Variants in ARHGAP6 observed in about 807,000 individuals in gnomAD.
ARHGAP6 encodes the protein Rho GTPase activating protein 6.
In ARHGAP6, 16 loss-of-function variants were observed where a neutral mutation model predicts 55.7. That is an observed-to-expected ratio of 0.29 (90% CI 0.19 to 0.44). ARHGAP6 has a LOEUF of 0.44. ARHGAP6 is among the 20% of genes least tolerant of loss of function. The pLI is 1.00. For synonymous variants in ARHGAP6, 382 were observed against 360.9 expected (o/e 1.06, Z -0.66); for missense variants, 698 against 808.9 (o/e 0.86, Z 1.66).
At chrX:11,661,086 G>T (rs891104486) in intron 1 of ARHGAP6, among the ~76,000 whole-genome samples, 4 of 112,244 alleles carry the variant, frequency 3.6e-5, no homozygotes, top group African/African-American at 1.3e-4. Context: ...GTGATATATA[G>T]AAATCATTTT....
intron 1 of ARHGAP6, among the ~76,000 whole-genome samples, chrX:11,548,634 G>C (rs779585206): frequency 9.3e-6 from 1 of 107,149 alleles, no homozygotes; most frequent in Non-Finnish European, 1.9e-5. Flanking sequence ...TTTTTTTATT[G>C]AGATAGAGTC....
chrX:11,483,458 G>A (rs5978437), intron 1 of ARHGAP6, among the ~76,000 whole-genome samples: 2,123 of 111,192 alleles, frequency 0.019, 28 homozygotes, highest in Middle Eastern at 0.06. Flanking sequence ...TCAGAGGAAT[G>A]ACCTCTTTTC....
At chrX:11,473,314 C>T (rs772844178) in intron 1 of ARHGAP6, among the ~76,000 whole-genome samples, 4 of 111,717 alleles carry the variant, frequency 3.6e-5, no homozygotes, top group Admixed American at 9.5e-5. Flanking sequence ...ATTGAAATCA[C>T]GGGTTGAATT....
chrX:11,243,377 C>T (rs2047309947), intron 2 of ARHGAP6, among the ~76,000 whole-genome samples: 1 of 111,604 alleles, frequency 9.0e-6, no homozygotes, highest in Non-Finnish European at 1.9e-5. Context: ...TTTCTACTTC[C>T]CAGTATTGAT....
chrX:11,405,387 C>A (rs774419229), intron 1 of ARHGAP6, among the ~76,000 whole-genome samples: 14 of 112,281 alleles, frequency 1.2e-4, no homozygotes, highest in African/African-American at 4.5e-4. Flanking sequence ...TAAGACAAAT[C>A]CATGACGGAA....
At chrX:11,515,652 CAT>C (rs1569375861) in intron 1 of ARHGAP6, among the ~76,000 whole-genome samples, 1 of 112,207 alleles carries the variant, frequency 8.9e-6, no homozygotes, top group South Asian at 3.7e-4. Context: ...TCTTCTAAAA[CAT>C]ATTTTTTATT....
intron 2 of ARHGAP6, among the ~76,000 whole-genome samples, chrX:11,208,227 C>A (rs2046736729): frequency 9.0e-6 from 1 of 111,052 alleles, no homozygotes; most frequent in Non-Finnish European, 1.9e-5. Context: ...CTGTGGTGTG[C>A]CCCGTGGAGG....
At chrX:11,487,599 CAT>C (rs1344031301) in intron 1 of ARHGAP6, among the ~76,000 whole-genome samples, 1 of 112,148 alleles carries the variant, frequency 8.9e-6, no homozygotes, top group Non-Finnish European at 1.9e-5. Flanking sequence ...AGATTTTAGA[CAT>C]ATTTTACTAA....
intron 1 of ARHGAP6, among the ~76,000 whole-genome samples, chrX:11,342,253 G>A (rs2048716347): frequency 9.0e-6 from 1 of 111,673 alleles, no homozygotes; most frequent in Non-Finnish European, 1.9e-5. Flanking sequence ...TATGGCACCG[G>A]ATTATTTAGT....
chrX:11,275,612 C>G (rs910049517), intron 1 of ARHGAP6, among the ~76,000 whole-genome samples: 6 of 111,681 alleles, frequency 5.4e-5, no homozygotes, highest in African/African-American at 9.8e-5. Context: ...CTCATCTTGT[C>G]CCTTCCCTTT....
intron 1 of ARHGAP6, among the ~76,000 whole-genome samples, chrX:11,447,983 T>C (rs138654176): frequency 9.9e-4 from 111 of 112,489 alleles, no homozygotes; most frequent in African/African-American, 3.5e-3. Flanking sequence ...GCAGTCACCA[T>C]TGGACAGCCT....
chrX:11,200,582 G>A (rs1490635054), intron 2 of ARHGAP6, among the ~76,000 whole-genome samples: 1 of 112,427 alleles, frequency 8.9e-6, no homozygotes, highest in Non-Finnish European at 1.9e-5. Context: ...TGATTTTTAT[G>A]GATTCATTTG....
chrX:11,198,338 G>A (rs758571442), intron 2 of ARHGAP6, among the ~76,000 whole-genome samples: 2 of 111,810 alleles, frequency 1.8e-5, no homozygotes, highest in South Asian at 7.6e-4. Context: ...TGTAATTGAT[G>A]GCAACAGCCG....
chrX:11,577,010 C>T (rs1286062744), intron 1 of ARHGAP6, among the ~76,000 whole-genome samples: 2 of 112,099 alleles, frequency 1.8e-5, no homozygotes, highest in African/African-American at 6.5e-5. Flanking sequence ...GCTGTCATCA[C>T]ACCTCCTTCT....
At chrX:11,207,368 G>T (rs1441418550) in intron 2 of ARHGAP6, among the ~76,000 whole-genome samples, 1 of 111,398 alleles carries the variant, frequency 9.0e-6, no homozygotes, top group Non-Finnish European at 1.9e-5. Context: ...GTTATTTGTT[G>T]TCCATGAAAC....
intron 1 of ARHGAP6, among the ~76,000 whole-genome samples, chrX:11,424,950 A>AT (rs773332026): frequency 1.3e-4 from 15 of 112,437 alleles, no homozygotes; most frequent in Non-Finnish European, 2.8e-4. Context: ...CATTATGACC[A>AT]TTTAAAAAGA....
intron 1 of ARHGAP6, among the ~76,000 whole-genome samples, chrX:11,466,234 G>A (rs1048994925): frequency 9.0e-6 from 1 of 111,203 alleles, no homozygotes; most frequent in Non-Finnish European, 1.9e-5. Flanking sequence ...TCAAAACAAT[G>A]TAAAAAGTAG....
chrX:11,306,079 C>T (rs1023938311), intron 1 of ARHGAP6, among the ~76,000 whole-genome samples: 2 of 111,428 alleles, frequency 1.8e-5, no homozygotes, highest in Non-Finnish European at 3.8e-5. Context: ...CACCTCAATG[C>T]CACCTCTTCT....
intron 1 of ARHGAP6, among the ~76,000 whole-genome samples, chrX:11,527,118 G>A (rs776571476): frequency 3.7e-5 from 4 of 106,996 alleles, no homozygotes; most frequent in Admixed American, 2.1e-4. Context: ...ACACTGATAT[G>A]TTTAAGTGTC....
Sources: allele counts gnomAD v4.1 joint callset (sites outside exome capture counted in the v4.1 genomes callset), GRCh38; gene constraint gnomAD v4.1.1; transcripts MANE v1.5; gene names NCBI Gene and HGNC (gene_info 2026-07-23, HGNC 2026-07-21).